CSGALNACT1: variants seen among roughly 807,000 people sequenced by gnomAD.
CSGALNACT1 encodes beta4GalNAcT-1.
CSGALNACT1 carries 52 observed loss-of-function variants against 51.0 expected under a neutral mutation model. The observed-to-expected ratio is 1.02, with a 90% CI of 0.82 to 1.29. The LOEUF is 1.29. Ranked by LOEUF, CSGALNACT1 falls within the 50% of genes most tolerant of loss-of-function variation. CSGALNACT1 has a pLI of 0.00. For missense variants in CSGALNACT1, 935 were observed against 679.2 expected (o/e 1.38, Z -4.19); for synonymous variants, 341 against 254.4 (o/e 1.34, Z -3.24).
intron 3 of CSGALNACT1, among the ~76,000 whole-genome samples, chr8:19,518,896 G>C (rs540704845): frequency 1.3e-5 from 2 of 152,124 alleles, no homozygotes; most frequent in Non-Finnish European, 2.9e-5. Context: ...AGCGAAACAG[G>C]CTCAACTTTA....
At chr8:19,553,640 A>ATATATATATATATATATATATATAT (rs201836569) in intron 3 of CSGALNACT1, among the ~76,000 whole-genome samples, 2,629 of 115,424 alleles carry the variant, frequency 0.023, 136 homozygotes, top group Middle Eastern at 0.029. Flanking sequence ...TATATATATA[A>ATATATATATATATATATATATATAT]AAAAATATGT....
chr8:19,554,923 A>C (rs1432604121), intron 3 of CSGALNACT1, among the ~76,000 whole-genome samples: 1 of 151,652 alleles, frequency 6.6e-6, no homozygotes, highest in Non-Finnish European at 1.5e-5. Context: ...GTCTCAAAAA[A>C]AGATAAAGGA....
chr8:19,534,832 T>A (rs1442981886), intron 3 of CSGALNACT1, among the ~76,000 whole-genome samples: 1 of 152,220 alleles, frequency 6.6e-6, no homozygotes, highest in Non-Finnish European at 1.5e-5. Flanking sequence ...TTGGCAATCT[T>A]TTTTCTTCAA....
intron 3 of CSGALNACT1, among the ~76,000 whole-genome samples, chr8:19,577,421 T>C (rs570578854): frequency 1.4e-4 from 19 of 140,106 alleles, no homozygotes; most frequent in Admixed American, 6.8e-4. Flanking sequence ...AAAAGCCTAG[T>C]ATGGTGGCGC....
chr8:19,433,062 T>C (rs1030518149), intron 6 of CSGALNACT1, among the ~76,000 whole-genome samples: 2 of 152,180 alleles, frequency 1.3e-5, no homozygotes, highest in Non-Finnish European at 2.9e-5. Context: ...GAAAGTAGAA[T>C]CTCCTCCTTC....
intron 1 of CSGALNACT1, among the ~76,000 whole-genome samples, chr8:19,643,466 G>A (rs146704501): frequency 4.7e-4 from 72 of 152,136 alleles, no homozygotes; most frequent in Non-Finnish European, 8.2e-4. Context: ...GTGAAACCCT[G>A]TGTCTACTAA....
At chr8:19,526,282 C>G (rs749423775) in intron 3 of CSGALNACT1, among the ~76,000 whole-genome samples, 4 of 152,128 alleles carry the variant, frequency 2.6e-5, no homozygotes, top group African/African-American at 4.8e-5. Flanking sequence ...GGGCCCTTAA[C>G]TTTTAAGATT....
At chr8:19,459,924 C>A (rs1165928431) in intron 4 of CSGALNACT1, among the ~76,000 whole-genome samples, 1 of 152,184 alleles carries the variant, frequency 6.6e-6, no homozygotes, top group Non-Finnish European at 1.5e-5. Context: ...CAGAGTGTCA[C>A]TTGTCAGGTT....
intron 3 of CSGALNACT1, among the ~76,000 whole-genome samples, chr8:19,586,229 G>A (rs1418165869): frequency 6.6e-6 from 1 of 151,860 alleles, no homozygotes; most frequent in Non-Finnish European, 1.5e-5. Flanking sequence ...CGGGCGTGGT[G>A]GTGAGTGTAA....
intron 2 of CSGALNACT1, among the ~76,000 whole-genome samples, chr8:19,598,891 C>T (rs546091658): frequency 1.2e-3 from 180 of 152,306 alleles, no homozygotes; most frequent in Non-Finnish European, 1.5e-3. Flanking sequence ...CATTCACTCG[C>T]TCATTCATTC....
chr8:19,598,048 G>C (rs1280719080), intron 2 of CSGALNACT1, among the ~76,000 whole-genome samples: 1 of 152,212 alleles, frequency 6.6e-6, no homozygotes, highest in Non-Finnish European at 1.5e-5. Flanking sequence ...AGAATCTGGA[G>C]GGTCAAGAGG....
intron 9 of CSGALNACT1, among the ~76,000 whole-genome samples, chr8:19,408,399 T>TC (rs2054791952): frequency 7.0e-6 from 1 of 143,530 alleles, no homozygotes; most frequent in Non-Finnish European, 1.5e-5. Flanking sequence ...CCTCAAGTGA[T>TC]CCCCCCTCCT....
chr8:19,507,188 G>T (rs982402754), intron 3 of CSGALNACT1, among the ~76,000 whole-genome samples: 2 of 152,192 alleles, frequency 1.3e-5, no homozygotes, highest in Admixed American at 6.5e-5. Flanking sequence ...ATTTATCATA[G>T]AAGGGATGAG....
At chr8:19,755,779 A>G (rs539962416) in intron 1 of CSGALNACT1, among the ~76,000 whole-genome samples, 2 of 152,372 alleles carry the variant, frequency 1.3e-5, no homozygotes, top group East Asian at 1.9e-4. Flanking sequence ...AATACATTTT[A>G]CAAATAGACA....
At chr8:19,482,039 T>C (rs2071535573) in intron 4 of CSGALNACT1, among the ~76,000 whole-genome samples, 1 of 152,110 alleles carries the variant, frequency 6.6e-6, no homozygotes, top group Non-Finnish European at 1.5e-5. Context: ...GCTCTTTCCA[T>C]CAAATCGCTC....
chr8:19,610,936 C>G (rs1434158569), intron 1 of CSGALNACT1, among the ~76,000 whole-genome samples: 1 of 152,248 alleles, frequency 6.6e-6, no homozygotes, highest in Non-Finnish European at 1.5e-5. Flanking sequence ...CCGGAGCTGT[C>G]AACGTCCACC....
At chr8:19,696,766 A>G (rs2061602368) in intron 1 of CSGALNACT1, among the ~76,000 whole-genome samples, 1 of 152,212 alleles carries the variant, frequency 6.6e-6, no homozygotes, top group African/African-American at 2.4e-5. Flanking sequence ...TGGGGCATCT[A>G]GAATGGGGGT....
chr8:19,496,339 G>C lies in CSGALNACT1; in HGVS notation c.634+8862C>G, dbSNP rs575260466. 2.0e-5 allele frequency among the ~76,000 whole-genome samples: 3 copies of C among 152,256 alleles called. No individual in the cohort carries two copies. In the East Asian group the frequency reaches 5.8e-4, roughly 29 times the overall value. On this transcript the variant is annotated intron_variant, in intron 4 of 9. Coordinates refer to ENST00000454498, the Ensembl canonical transcript of CSGALNACT1. ...TAAATCTTCTAATAAGGGACTTCCA[G>C]ATTTGGGGTGTTACCACAACATTCC...
At chr8:19,601,225 T>C (rs1457380536) in intron 2 of CSGALNACT1, among the ~76,000 whole-genome samples, 1 of 152,212 alleles carries the variant, frequency 6.6e-6, no homozygotes, top group African/African-American at 2.4e-5. Context: ...TTCCAATCCG[T>C]AAGGGCACTA....
Sources: gnomAD v4.1 joint callset for allele counts (sites outside exome capture counted in the v4.1 genomes callset) on GRCh38, gnomAD v4.1.1 for gene constraint, MANE v1.5 for transcripts, NCBI Gene and HGNC (gene_info 2026-07-23, HGNC 2026-07-21) for gene names.